HCN1: variants seen among roughly 807,000 people sequenced by gnomAD.
HCN1 encodes hyperpolarization activated cyclic nucleotide gated potassium channel 1.
Under a neutral mutation model 78.9 loss-of-function variants are expected in HCN1, and 13 were observed. That is an observed-to-expected ratio of 0.16 (90% CI 0.11 to 0.26). The LOEUF is 0.26. HCN1 is among the 10% of genes least tolerant of loss of function. HCN1 has a pLI of 1.00. For missense variants in HCN1, 810 were observed against 1,154.3 expected, an observed-to-expected ratio of 0.70 and a Z score of 4.32; for synonymous variants, 552 against 455.5, an observed-to-expected ratio of 1.21 and a Z score of -2.70.
chr5:45,319,876 G>T lies in HCN1; in HGVS notation c.1378-16037C>A, dbSNP rs142893954. Among the ~76,000 whole-genome samples, 443 of 151,804 alleles carry T rather than the reference G, an allele frequency of 2.9e-3. 2 individuals are homozygous for T. The highest frequency in any genetic ancestry group is 0.01 in the African/African-American group (421 of 41,492). ...ATAAAAAAGAATAGCAAAACTTTAAGGTTCCTTTAGCACTGTAACTTTATA... is the reference window on the plus strand; with the variant it reads ...ATAAAAAAGAATAGCAAAACTTTAATGTTCCTTTAGCACTGTAACTTTATA... On this transcript the variant is annotated intron_variant, in intron 5 of 7. Coordinates refer to ENST00000303230, the MANE Select transcript of HCN1 (RefSeq NM_021072.4).
chr5:45,278,930 A>G (rs1016028951), intron 6 of HCN1, among the ~76,000 whole-genome samples: 1 of 152,280 alleles, frequency 6.6e-6, no homozygotes, highest in South Asian at 2.1e-4. Flanking sequence ...AAATAAAAGC[A>G]AAAATGAAAG....
intron 4 of HCN1, among the ~76,000 whole-genome samples, chr5:45,357,850 C>G (rs1747032671): frequency 6.6e-6 from 1 of 151,978 alleles, no homozygotes; most frequent in Admixed American, 6.6e-5. Context: ...GTGGATCCCT[C>G]AAGGACAAAG....
At chr5:45,323,302 A>T (rs2111939472) in intron 5 of HCN1, among the ~76,000 whole-genome samples, 1 of 152,048 alleles carries the variant, frequency 6.6e-6, no homozygotes, top group Non-Finnish European at 1.5e-5. Flanking sequence ...AAATCATAAC[A>T]TTTTGGATAT....
intron 5 of HCN1, among the ~76,000 whole-genome samples, chr5:45,307,564 C>A (rs932672696): frequency 6.6e-6 from 1 of 151,982 alleles, no homozygotes; most frequent in African/African-American, 2.4e-5. Flanking sequence ...ACCCATAATC[C>A]CATTTTAATC....
chr5:45,291,213 T>C (rs1345591514), intron 6 of HCN1, among the ~76,000 whole-genome samples: 2 of 152,056 alleles, frequency 1.3e-5, no homozygotes, highest in Non-Finnish European at 2.9e-5. Context: ...CAATAACTTT[T>C]CTCTCTCATA....
chr5:45,376,508 G>T (rs1196094886), intron 4 of HCN1, among the ~76,000 whole-genome samples: 1 of 150,288 alleles, frequency 6.7e-6, no homozygotes, highest in Non-Finnish European at 1.5e-5. Flanking sequence ...CTCCAGAACT[G>T]CAAGATATAA....
In HCN1 at chr5:45,598,326, T is replaced by C. The variant is rs186463289; in HGVS notation, c.849+46859A>G. On this transcript the variant is annotated intron_variant, in intron 2 of 7. Coordinates refer to ENST00000303230, the MANE Select transcript of HCN1 (RefSeq NM_021072.4). ...AACAAGCAATGGGGAAAGGATTCCC[T>C]ATTTAATAAATGGTGCTGGGAAAAC... 6.1e-3 allele frequency among the ~76,000 whole-genome samples: 928 copies of C among 152,306 alleles called. 4 individuals are homozygous for C. The highest frequency in any genetic ancestry group is 0.011 in the Non-Finnish European group (720 of 68,030).
intron 3 of HCN1, among the ~76,000 whole-genome samples, chr5:45,429,988 C>T (rs1283009695): frequency 2.0e-5 from 3 of 151,440 alleles, no homozygotes; most frequent in Non-Finnish European, 4.4e-5. Flanking sequence ...AGATAATGTT[C>T]CGTAAGCAGT....
At chr5:45,276,795 A>C (rs1006859793) in intron 6 of HCN1, among the ~76,000 whole-genome samples, 2 of 152,144 alleles carry the variant, frequency 1.3e-5, no homozygotes. Flanking sequence ...AATTCTGTAC[A>C]TCATTGGTGA....
chr5:45,297,495 C>A (rs139852940), intron 6 of HCN1, among the ~76,000 whole-genome samples: 1 of 152,022 alleles, frequency 6.6e-6, no homozygotes, highest in African/African-American at 2.4e-5. Flanking sequence ...AAATAAATCA[C>A]CAGGCCCAAA....
At chr5:45,346,681 G>A (rs1746721778) in intron 5 of HCN1, among the ~76,000 whole-genome samples, 1 of 152,182 alleles carries the variant, frequency 6.6e-6, no homozygotes, top group South Asian at 2.1e-4. Flanking sequence ...CTTTTCTGAT[G>A]GGCTTAAAAA....
intron 2 of HCN1, among the ~76,000 whole-genome samples, chr5:45,569,994 A>T (rs1743791616): frequency 6.6e-6 from 1 of 152,128 alleles, no homozygotes; most frequent in Admixed American, 6.6e-5. Context: ...ATTTGACTAA[A>T]AGCTACCAAA....
Position 45,353,127 on chromosome 5 carries a change from G to A in HCN1, c.1350C>T (p.Leu450=), listed in dbSNP as rs1277696043. ...QGKIFDEENI[L]NELNDPLREE... Reference sequence around the variant, plus strand: ...CTCTCAGAGGATCATTGAGTTCATTGAGAATATTTTCCTCATCAAAGATTT... The same window carrying A: ...CTCTCAGAGGATCATTGAGTTCATTAAGAATATTTTCCTCATCAAAGATTT... The change falls in exon 5 of 8, where the codon CTC becomes CTT. Residue 450 remains leucine, a synonymous_variant. Transcript: ENST00000303230. The A allele has an allele frequency of 6.2e-7, 1 of 1,611,164 alleles. No individual in the cohort carries two copies. Among genetic ancestry groups the A allele is most frequent in the Non-Finnish European group, 8.5e-7 (1 of 1,178,168 alleles).
At chr5:45,319,319 T>G (rs904833992) in intron 5 of HCN1, among the ~76,000 whole-genome samples, 1 of 151,942 alleles carries the variant, frequency 6.6e-6, no homozygotes, top group African/African-American at 2.4e-5. Flanking sequence ...CATCAACAGG[T>G]GATGTTTCAG....
At chr5:45,263,271 C>T (rs1460981221) in intron 7 of HCN1, among the ~76,000 whole-genome samples, 1 of 152,068 alleles carries the variant, frequency 6.6e-6, no homozygotes, top group Non-Finnish European at 1.5e-5. Context: ...AACCCGCGAC[C>T]CTGTCAGATA....
chr5:45,559,611 G>C (rs1221706479), intron 2 of HCN1: 4 of 152,202 alleles, frequency 2.6e-5, no homozygotes, highest in Non-Finnish European at 5.9e-5. Flanking sequence ...GCAATATCAT[G>C]ATGCAACTTG....
intron 7 of HCN1, among the ~76,000 whole-genome samples, chr5:45,264,118 C>A (rs1249935430): frequency 6.6e-6 from 1 of 152,082 alleles, no homozygotes; most frequent in East Asian, 1.9e-4. Context: ...TAAATGCAGC[C>A]AAGACTGAGA....
At chr5:45,640,888 G>A (rs116201821) in intron 2 of HCN1, among the ~76,000 whole-genome samples, 6,394 of 149,708 alleles carry the variant, frequency 0.043, 470 homozygotes, top group African/African-American at 0.15. Context: ...TTTCCAAATC[G>A]GAGATGTAGC....
intron 4 of HCN1, among the ~76,000 whole-genome samples, chr5:45,375,772 CTTATATATAATATAATATTTTA>C (rs1747623312): frequency 1.1e-5 from 1 of 95,060 alleles, no homozygotes; most frequent in Non-Finnish European, 1.9e-5. Context: ...TATGATATAT[CTTATATATAATATAATATTTTA>C]TGATATATCT....
Sources: gnomAD v4.1 joint callset for allele counts (sites outside exome capture counted in the v4.1 genomes callset) on GRCh38, gnomAD v4.1.1 for gene constraint, MANE v1.5 for transcripts, NCBI Gene and HGNC (gene_info 2026-07-23, HGNC 2026-07-21) for gene names.